Variants in TEX9 observed in about 807,000 individuals in gnomAD.
The protein encoded by TEX9 is testis-expressed protein 9.
A neutral mutation model predicts 59.6 loss-of-function variants in TEX9; 74 were observed. That is an observed-to-expected ratio of 1.24 (90% CI 1.03 to 1.51). The LOEUF (loss-of-function observed/expected upper bound fraction) is 1.51. Among genes scored for constraint, TEX9 ranks in the 40% most tolerant of loss-of-function variants. TEX9 has a pLI of 0.00. For synonymous variants in TEX9, 186 were observed against 152.2 expected (o/e 1.22, Z -1.64); for missense variants, 522 against 447.8 (o/e 1.17, Z -1.49).
At chr15:56,301,616 T>C (rs2045361969) in intron 1 of TEX9, among the ~76,000 whole-genome samples, 1 of 150,930 alleles carries the variant, frequency 6.6e-6, no homozygotes, top group South Asian at 2.1e-4. Flanking sequence ...GTAAACCTTA[T>C]AGCCCAGGAG....
At chr15:56,364,873 A>G (rs2046867576), upstream of TEX9, among the ~76,000 whole-genome samples, 1 of 152,208 alleles carries the variant, frequency 6.6e-6, no homozygotes, top group African/African-American at 2.4e-5. Flanking sequence ...AATAACTGTG[A>G]AGTGGGCACT....
intron 1 of TEX9, among the ~76,000 whole-genome samples, chr15:56,342,730 T>G (rs535936637): frequency 2.1e-4 from 32 of 152,124 alleles, no homozygotes; most frequent in African/African-American, 7.5e-4. Flanking sequence ...CAAATGTGGT[T>G]TTGTTAAGGA....
chr15:56,374,702 C>T (rs2047350808), intron 3 of TEX9: 1 of 152,122 alleles, frequency 6.6e-6, no homozygotes, highest in Non-Finnish European at 1.5e-5. Flanking sequence ...CTGCATCCCC[C>T]ATTACCCTTC....
intron 9 of TEX9, among the ~76,000 whole-genome samples, chr15:56,406,992 G>A (rs1851771150): frequency 6.6e-6 from 1 of 151,964 alleles, no homozygotes; most frequent in East Asian, 1.9e-4. Context: ...CTTGTGGTTG[G>A]TGCTTTTTTC....
intron 1 of TEX9, among the ~76,000 whole-genome samples, chr15:56,253,879 T>C (rs184875101): frequency 6.6e-6 from 1 of 152,224 alleles, no homozygotes; most frequent in Non-Finnish European, 1.5e-5. Context: ...TAAAGGCAAG[T>C]GACTTGAGAC....
rs538802260 is a variant in TEX9 at position 56,345,850 on chromosome 15, A to G, written c.-106-27591A>G. Among the ~76,000 whole-genome samples the G allele has an allele frequency of 2.0e-5, 3 of 152,314 alleles. No individual in the cohort carries two copies. In the East Asian group the frequency reaches 5.8e-4, roughly 29 times the overall value. The stretch of plus-strand genomic sequence containing the variant: ...TGGAGTCAGAAGTGCTACTCTAAAG[A>G]CATTCAGCTGGACAGCATGTTGTTG... On this transcript the variant is annotated intron_variant, in intron 1 of 5. Transcript: ENST00000560827.
intron 1 of TEX9, among the ~76,000 whole-genome samples, chr15:56,306,246 T>A (rs2045479552): frequency 1.2e-5 from 1 of 80,006 alleles, no homozygotes; most frequent in Admixed American, 2.1e-4. Context: ...GCTAGGCTGA[T>A]AGGTACATAG....
chr15:56,446,257 T>C (rs139884668), downstream of TEX9, among the ~76,000 whole-genome samples: 3 of 152,074 alleles, frequency 2.0e-5, no homozygotes, highest in East Asian at 5.8e-4. Context: ...AGGGATGATG[T>C]GCACCCTTTT....
intron 1 of TEX9, among the ~76,000 whole-genome samples, chr15:56,296,819 T>C (rs1171354050): frequency 1.3e-5 from 2 of 152,234 alleles, no homozygotes; most frequent in African/African-American, 2.4e-5. Context: ...TATTCTACTT[T>C]TTTTTCTTTT....
intron 10 of TEX9, among the ~76,000 whole-genome samples, chr15:56,427,272 T>C (rs1490065864): frequency 1.1e-4 from 15 of 130,506 alleles, no homozygotes; most frequent in Non-Finnish European, 4.9e-5. Flanking sequence ...CCTTCAAATA[T>C]ACTTTTTAAA....
intron 9 of TEX9, among the ~76,000 whole-genome samples, chr15:56,404,814 G>T (rs541150191): frequency 6.6e-6 from 1 of 152,288 alleles, no homozygotes; most frequent in African/African-American, 2.4e-5. Flanking sequence ...AAAAAAGGGT[G>T]AGTTTATGTC....
At chr15:56,289,408 A>C (rs1362143206) in intron 1 of TEX9, among the ~76,000 whole-genome samples, 1 of 152,162 alleles carries the variant, frequency 6.6e-6, no homozygotes, top group African/African-American at 2.4e-5. Context: ...AGAAGGGGGA[A>C]TATAAAGGCA....
chr15:56,349,199 C>T (rs1169454823), intron 1 of TEX9, among the ~76,000 whole-genome samples: 1 of 152,034 alleles, frequency 6.6e-6, no homozygotes, highest in East Asian at 1.9e-4. Flanking sequence ...TGGATTGTAT[C>T]TTAGATAATA....
chr15:56,253,676 G>A (rs2044080866), intron 1 of TEX9, among the ~76,000 whole-genome samples: 1 of 152,102 alleles, frequency 6.6e-6, no homozygotes, highest in South Asian at 2.1e-4. Flanking sequence ...AGGAATTGAG[G>A]TATGGCAGGG....
chr15:56,266,603 T>C (rs1377063974), intron 1 of TEX9, among the ~76,000 whole-genome samples: 1 of 152,084 alleles, frequency 6.6e-6, no homozygotes, highest in African/African-American at 2.4e-5. Context: ...TGTGATACTT[T>C]GCTCAGAATG....
intron 1 of TEX9, among the ~76,000 whole-genome samples, chr15:56,330,967 G>C (rs2046127265): frequency 6.6e-6 from 1 of 152,002 alleles, no homozygotes; most frequent in South Asian, 2.1e-4. Flanking sequence ...AATGGAAAAA[G>C]GTATTCCATG....
At chr15:56,250,230 T>C (rs1596041700) in intron 1 of TEX9, among the ~76,000 whole-genome samples, 1 of 152,294 alleles carries the variant, frequency 6.6e-6, no homozygotes, top group East Asian at 1.9e-4. Context: ...AAGACACTGG[T>C]AGGTGAGATA....
chr15:56,415,314 C>G (rs918486585), intron 10 of TEX9, among the ~76,000 whole-genome samples: 1 of 151,852 alleles, frequency 6.6e-6, no homozygotes. Context: ...TTTGCCCGTT[C>G]CTATGTCCAA....
chr15:56,347,315 T>C (rs2046490364), intron 1 of TEX9, among the ~76,000 whole-genome samples: 1 of 152,156 alleles, frequency 6.6e-6, no homozygotes, highest in South Asian at 2.1e-4. Context: ...ATAAGTCTAC[T>C]CAGTTTCAAA....
Sources: allele counts gnomAD v4.1 joint callset (sites outside exome capture counted in the v4.1 genomes callset), GRCh38; gene constraint gnomAD v4.1.1; transcripts MANE v1.5; gene names NCBI Gene and HGNC (gene_info 2026-07-23, HGNC 2026-07-21).